Variants in DLG2 observed in about 807,000 individuals in gnomAD.
DLG2 encodes disks large homolog 2.
Under a neutral mutation model 132.5 loss-of-function variants are expected in DLG2, and 45 were observed. That is an observed-to-expected ratio of 0.34 (90% confidence interval 0.27 to 0.44). DLG2 has a LOEUF of 0.44. DLG2 is among the 20% of genes least tolerant of loss of function. DLG2 has a pLI of 1.00. For synonymous variants in DLG2, 424 were observed against 419.6 expected, an observed-to-expected ratio of 1.01 and a Z score of -0.13; for missense variants, 1,045 against 1,196.9, an observed-to-expected ratio of 0.87 and a Z score of 1.87.
chr11:85,288,816 T>C (rs969787804), intron 3 of DLG2, among the ~76,000 whole-genome samples: 6 of 152,154 alleles, frequency 3.9e-5, no homozygotes, highest in African/African-American at 1.4e-4. Flanking sequence ...TATCGTTTTA[T>C]AGGATATAAA....
chr11:84,720,433 G>C, intron 6 of DLG2: 2 of 985,414 alleles, frequency 2.0e-6, no homozygotes, highest in South Asian at 4.7e-5. Context: ...CTCGCTGGGG[G>C]ACCCAAACGC....
intron 7 of DLG2, among the ~76,000 whole-genome samples, chr11:84,338,622 A>G (rs2098499309): frequency 6.6e-6 from 1 of 152,106 alleles, no homozygotes; most frequent in Non-Finnish European, 1.5e-5. Flanking sequence ...CAGGAGATCA[A>G]GACCAACCTG....
chr11:85,436,855 G>C (rs777669683), intron 3 of DLG2, among the ~76,000 whole-genome samples: 16 of 152,256 alleles, frequency 1.1e-4, no homozygotes, highest in Non-Finnish European at 1.8e-4. Flanking sequence ...ATGCACATAT[G>C]TTTGTTGCAG....
At chr11:84,352,814 T>C (rs1468261173) in intron 7 of DLG2, among the ~76,000 whole-genome samples, 1 of 152,208 alleles carries the variant, frequency 6.6e-6, no homozygotes, top group Admixed American at 6.5e-5. Flanking sequence ...GCAGGACTTG[T>C]AAAAATGAAT....
chr11:84,699,354 G>C (rs1419789020), intron 6 of DLG2, among the ~76,000 whole-genome samples: 2 of 151,490 alleles, frequency 1.3e-5, no homozygotes, highest in African/African-American at 2.4e-5. Flanking sequence ...CTGATGCACA[G>C]GCTAAATATA....
chr11:84,033,250 G>A (rs538633597), intron 11 of DLG2, among the ~76,000 whole-genome samples: 17 of 152,164 alleles, frequency 1.1e-4, no homozygotes, highest in African/African-American at 4.1e-4. Context: ...CCATTAGGAA[G>A]ATTCATGATT....
chr11:85,040,911 A>G (rs971813682), intron 6 of DLG2, among the ~76,000 whole-genome samples: 7 of 151,870 alleles, frequency 4.6e-5, no homozygotes, highest in African/African-American at 1.7e-4. Context: ...GAGGAAACTA[A>G]GAGAAAAACG....
chr11:84,856,919 G>C (rs890681867), intron 6 of DLG2, among the ~76,000 whole-genome samples: 4 of 151,944 alleles, frequency 2.6e-5, no homozygotes. Context: ...ATATGAAGAA[G>C]TTATTGAGGA....
chr11:84,128,254 T>A (rs2094267675), intron 9 of DLG2, among the ~76,000 whole-genome samples: 1 of 152,178 alleles, frequency 6.6e-6, no homozygotes, highest in Non-Finnish European at 1.5e-5. Context: ...CCAATACACT[T>A]AGAAATTTGT....
At chr11:84,969,748 T>C (rs1264991260) in intron 6 of DLG2, among the ~76,000 whole-genome samples, 1 of 151,988 alleles carries the variant, frequency 6.6e-6, no homozygotes, top group East Asian at 1.9e-4. Flanking sequence ...GTTCACAATA[T>C]CAAAGACTTG....
intron 18 of DLG2, among the ~76,000 whole-genome samples, chr11:83,743,028 C>G (rs2092645888): frequency 6.6e-6 from 1 of 152,126 alleles, no homozygotes; most frequent in Admixed American, 6.5e-5. Context: ...TAATGTTAGT[C>G]AATAATTCTA....
In DLG2 at chr11:85,090,292, C is replaced by T. The variant is rs1409879864; in HGVS notation, c.357+21369G>A. On this transcript the variant is annotated intron_variant, in intron 6 of 27. Coordinates refer to ENST00000376104, the MANE Select transcript of DLG2 (RefSeq NM_001142699.3). ...AATGGGTAAAACTTTCATTTACTCT[C>T]TGAAGGAACTCTAGGCAGTCTCACC... 2.0e-5 allele frequency among the ~76,000 whole-genome samples: 3 copies of T among 152,290 alleles called. No individual in the cohort carries two copies. In the East Asian group the frequency reaches 5.8e-4, roughly 29 times the overall value.
At chr11:84,347,611 G>A (rs2098544828) in intron 7 of DLG2, among the ~76,000 whole-genome samples, 1 of 152,174 alleles carries the variant, frequency 6.6e-6, no homozygotes, top group East Asian at 1.9e-4. Flanking sequence ...ATCTGGAAAA[G>A]CTTCTGTGGT....
intron 6 of DLG2, among the ~76,000 whole-genome samples, chr11:84,842,633 C>T (rs567397081): frequency 6.6e-6 from 1 of 151,952 alleles, no homozygotes; most frequent in Admixed American, 6.6e-5. Context: ...GTTTTACCTA[C>T]CTACCAGCTC....
intron 7 of DLG2, among the ~76,000 whole-genome samples, chr11:84,266,273 C>T (rs1039361792): frequency 2.6e-5 from 4 of 152,182 alleles, no homozygotes; most frequent in African/African-American, 4.8e-5. Context: ...AGATAGCAGG[C>T]TCTTGCTTTT....
rs114871144 is a variant in DLG2, at chr11:85,356,410, T to C, written c.41-71045A>G. ...GATGAGGAAAGGGAGTCACACTTGA[T>C]ACTGAGAGTTGAAAATGTAAAGTGA... On this transcript the variant is annotated intron_variant, in intron 3 of 27. Coordinates refer to ENST00000376104, the MANE Select transcript of DLG2 (RefSeq NM_001142699.3). 2.2e-3 allele frequency among the ~76,000 whole-genome samples: 331 copies of C among 152,276 alleles called. 1 individual carries two copies. The highest frequency in any genetic ancestry group is 7.7e-3 in the African/African-American group (321 of 41,564).
intron 15 of DLG2, among the ~76,000 whole-genome samples, chr11:83,887,372 A>T (rs1410189911): frequency 2.0e-5 from 3 of 151,986 alleles, no homozygotes; most frequent in Non-Finnish European, 4.4e-5. Context: ...ATTCCTCGAC[A>T]CATACACCCT....
chr11:83,879,243 T>C (rs1247533443), intron 15 of DLG2, among the ~76,000 whole-genome samples: 2 of 152,210 alleles, frequency 1.3e-5, no homozygotes, highest in Non-Finnish European at 2.9e-5. Flanking sequence ...TGTTGTAATA[T>C]TAAAACTATG....
At chr11:84,292,462 G>C (rs1049135728) in intron 7 of DLG2, among the ~76,000 whole-genome samples, 4 of 152,154 alleles carry the variant, frequency 2.6e-5, no homozygotes, top group Non-Finnish European at 4.4e-5. Flanking sequence ...GATGAGGTTA[G>C]CTAGGAGAAG....
Sources: allele counts gnomAD v4.1 joint callset (sites outside exome capture counted in the v4.1 genomes callset), GRCh38; gene constraint gnomAD v4.1.1; transcripts MANE v1.5; gene names NCBI Gene and HGNC (gene_info 2026-07-23, HGNC 2026-07-21).